The following FBN1 variants were observed in gnomAD, a reference collection of about 807,000 sequenced individuals.
The protein encoded by FBN1 is fibrillin-1.
In FBN1, 29 loss-of-function variants were observed where a neutral mutation model predicts 365.1. That is an observed-to-expected ratio of 0.08 (90% CI 0.06 to 0.11). FBN1 has a LOEUF of 0.11. FBN1 is among the 10% of genes least tolerant of loss of function. FBN1 has a pLI of 1.00. For synonymous variants in FBN1, 1,210 were observed against 1,270.5 expected (o/e 0.95, Z 1.01); for missense variants, 2,476 against 3,703.2 (o/e 0.67, Z 8.60).
chr15:48,463,015 A>G, intron 42 of FBN1, 67 bp downstream of exon 42: 1 of 1,505,462 alleles, frequency 6.6e-7, no homozygotes, highest in Admixed American at 1.7e-5. Context: ...GCTAAGACTG[A>G]TTTCCCCAAC....
Position 48,499,030 on chromosome 15 carries a change from G to C in FBN1, c.2122C>G (p.Gln708Glu). ...PCPAQNSAEYQALCSSGPGMT... is the reference protein window; with the variant it reads ...PCPAQNSAEYEALCSSGPGMT... ...CCTGGCCCACTGCTGCAGAGTGCCT[G>C]ATATTCCGCTGCAATAAATTAACAG... is the stretch of plus-strand genomic sequence containing the variant. The change falls in exon 18 of 66, where the codon CAG (glutamine) becomes GAG (glutamate). Residue 708 changes from glutamine to glutamate, a missense_variant. Coordinates refer to ENST00000316623, the MANE Select transcript of FBN1 (RefSeq NM_000138.5). 1 of 1,614,142 alleles carries C rather than the reference G, an allele frequency of 6.2e-7. No homozygotes were observed.
intron 35 of FBN1, among the ~76,000 whole-genome samples, chr15:48,471,035 C>T (rs968268839): frequency 1.3e-5 from 2 of 151,812 alleles, no homozygotes; most frequent in Non-Finnish European, 2.9e-5. Context: ...AGGTCCACAT[C>T]ACTTTCGTAA....
intron 17 of FBN1, 118 bp from the exon 18 acceptor site, chr15:48,499,156 C>A: frequency 2.0e-6 from 2 of 1,002,752 alleles, no homozygotes; most frequent in Non-Finnish European, 1.6e-6. Context: ...TAAGTGGTAA[C>A]GGAAAAGGAG....
At chr15:48,540,472 T>A (rs1025059670) in intron 6 of FBN1, among the ~76,000 whole-genome samples, 8 of 152,194 alleles carry the variant, frequency 5.3e-5, no homozygotes, top group Admixed American at 2.6e-4. Context: ...TATTCTACAA[T>A]ATGATTTTAA....
At chr15:48,462,549 T>G (rs1030622128) in intron 42 of FBN1, among the ~76,000 whole-genome samples, 5 of 121,124 alleles carry the variant, frequency 4.1e-5, no homozygotes, top group African/African-American at 1.6e-4. Flanking sequence ...CTAAAATTAT[T>G]GCTTATTTCA....
At chr15:48,478,751 G>T (rs933308465) in intron 32 of FBN1, among the ~76,000 whole-genome samples, 8 of 152,198 alleles carry the variant, frequency 5.3e-5, no homozygotes, top group Admixed American at 2.6e-4. Context: ...TCTGAACAAA[G>T]CTTACGGAGT....
chr15:48,472,684 CAGAA>C lies in FBN1; in HGVS notation c.4211-12_4211-9del, dbSNP rs1597552613. The C allele has an allele frequency of 6.2e-7, 1 of 1,614,100 alleles. No individual in the cohort carries two copies. On this transcript the variant is annotated splice_polypyrimidine_tract_variant and intron_variant, in intron 34 of 65. Transcript: ENST00000316623. The stretch of plus-strand genomic sequence containing the variant: ...CAGAGCACTCATCAAGGTCTACAGC[CAGAA>C]AGAAACACACGTTACTCTTCCTCGG...
chr15:48,586,831 A>G (rs1279665213), intron 6 of FBN1, among the ~76,000 whole-genome samples: 2 of 152,250 alleles, frequency 1.3e-5, no homozygotes, highest in African/African-American at 4.8e-5. Context: ...TGTCATGCAG[A>G]TGTCAAGTGA....
At chr15:48,416,986 T>C (rs1449510606) in intron 63 of FBN1, among the ~76,000 whole-genome samples, 1 of 152,200 alleles carries the variant, frequency 6.6e-6, no homozygotes, top group Non-Finnish European at 1.5e-5. Flanking sequence ...AGGTATTATA[T>C]TCTCTGTTTT....
At chr15:48,611,000 TA>T (rs1326140362) in intron 3 of FBN1, among the ~76,000 whole-genome samples, 174 bp from the exon 4 acceptor site, 1 of 152,064 alleles carries the variant, frequency 6.6e-6, no homozygotes, top group African/African-American at 2.4e-5. Context: ...TCTATTGAAC[TA>T]AATAAACTCT....
intron 2 of FBN1, among the ~76,000 whole-genome samples, chr15:48,627,908 A>G (rs1338425939): frequency 2.0e-5 from 3 of 152,234 alleles, no homozygotes; most frequent in Non-Finnish European, 4.4e-5. Flanking sequence ...AAGTTTCAAC[A>G]TGACAACTTC....
At chr15:48,617,029 CTTATG>C (rs1889668025) in intron 2 of FBN1, among the ~76,000 whole-genome samples, 2 of 152,114 alleles carry the variant, frequency 1.3e-5, no homozygotes, top group African/African-American at 4.8e-5. Context: ...CTCTCCTAAC[CTTATG>C]TTAAGTCAAA....
chr15:48,493,632 C>G (rs2043579457), intron 23 of FBN1, among the ~76,000 whole-genome samples: 1 of 152,094 alleles, frequency 6.6e-6, no homozygotes, highest in Non-Finnish European at 1.5e-5. Flanking sequence ...TTTGTTTTAA[C>G]AGGGAAAAAA....
intron 27 of FBN1, among the ~76,000 whole-genome samples, chr15:48,487,901 C>G (rs189694755): frequency 6.6e-6 from 1 of 152,284 alleles, no homozygotes; most frequent in Admixed American, 6.5e-5. Context: ...AATCACTTCT[C>G]AAGGGCCCAC....
At chr15:48,423,561 G>A (rs1399904373) in intron 60 of FBN1, among the ~76,000 whole-genome samples, 2 of 152,160 alleles carry the variant, frequency 1.3e-5, no homozygotes, top group Non-Finnish European at 2.9e-5. Flanking sequence ...CAACAGGTGA[G>A]GAAGATGACT....
At chr15:48,460,143 G>A in intron 43 of FBN1, 103 bp downstream of exon 43, 1 of 815,050 alleles carries the variant, frequency 1.2e-6, no homozygotes, top group Non-Finnish European at 2.1e-6. Flanking sequence ...GAAAGGCATT[G>A]TTTAATATTT....
At chr15:48,624,454 G>A (rs1889834798) in intron 2 of FBN1, among the ~76,000 whole-genome samples, 1 of 152,224 alleles carries the variant, frequency 6.6e-6, no homozygotes, top group Non-Finnish European at 1.5e-5. Flanking sequence ...TGTCTGGTTG[G>A]TTGGGTAAAA....
chr15:48,491,374 G>A (rs2043556983), intron 24 of FBN1, among the ~76,000 whole-genome samples: 4 of 148,958 alleles, frequency 2.7e-5, no homozygotes, highest in African/African-American at 4.9e-5. Context: ...TTTTAGAGAC[G>A]GAGTCTCACT....
At chr15:48,591,593 A>G (rs1294763826) in intron 6 of FBN1, among the ~76,000 whole-genome samples, 2 of 152,222 alleles carry the variant, frequency 1.3e-5, no homozygotes, top group African/African-American at 4.8e-5. Context: ...CCAAAACCCT[A>G]CATTTGAAAC....
Sources: gnomAD v4.1 joint callset for allele counts (sites outside exome capture counted in the v4.1 genomes callset) on GRCh38, gnomAD v4.1.1 for gene constraint, MANE v1.5 for transcripts, NCBI Gene and HGNC (gene_info 2026-07-23, HGNC 2026-07-21) for gene names.